PXDNL: variants seen among roughly 807,000 people sequenced by gnomAD.
PXDNL encodes probable oxidoreductase PXDNL.
PXDNL carries 145 observed loss-of-function variants against 150.8 expected under a neutral mutation model. That is an observed-to-expected ratio of 0.96 (90% CI 0.84 to 1.10). The LOEUF is 1.10. Among genes scored for constraint, PXDNL ranks in the 50% least tolerant of loss-of-function variants. The pLI is 0.00. For synonymous variants in PXDNL, 757 were observed against 725.7 expected, an observed-to-expected ratio of 1.04 and a Z score of -0.69; for missense variants, 2,087 against 1,873.9, an observed-to-expected ratio of 1.11 and a Z score of -2.10.
Position 51,805,379 on chromosome 8 carries a change from TTA to T in PXDNL, c.164+3800_164+3801del, listed in dbSNP as rs535405882. ...TTTATATATAATTTAAATTATAAAA[TTA>T]TGTTTGCTGCCTCAGATTGCAGCTA... On this transcript the variant is annotated intron_variant, in intron 1 of 22. Transcript: ENST00000356297. Among the ~76,000 whole-genome samples the T allele has an allele frequency of 3.9e-3, 574 of 148,186 alleles. 2 individuals carry two copies. The highest frequency in any genetic ancestry group is 7.0e-3 in the Non-Finnish European group (473 of 67,204).
intron 1 of PXDNL, among the ~76,000 whole-genome samples, chr8:51,805,421 A>G (rs911585050): frequency 1.4e-5 from 2 of 148,092 alleles, no homozygotes; most frequent in African/African-American, 2.4e-5. Flanking sequence ...CTATTATTCC[A>G]TAACACATCA....
chr8:51,457,930 T>C (rs1717635854), intron 8 of PXDNL, among the ~76,000 whole-genome samples: 1 of 152,184 alleles, frequency 6.6e-6, no homozygotes, highest in African/African-American at 2.4e-5. Flanking sequence ...CTGAGTGGCA[T>C]GAATTTAGAC....
chr8:51,754,528 GA>G (rs1465995754), intron 1 of PXDNL, among the ~76,000 whole-genome samples: 1 of 151,218 alleles, frequency 6.6e-6, no homozygotes, highest in African/African-American at 2.4e-5. Context: ...TTTTGAGGCA[GA>G]GTCTCGCTCT....
At chr8:51,539,984 G>A (rs1193003013) in intron 4 of PXDNL, among the ~76,000 whole-genome samples, 3 of 150,956 alleles carry the variant, frequency 2.0e-5, no homozygotes, top group African/African-American at 7.3e-5. Context: ...TCAGGCTGGA[G>A]TGCAGTGGCT....
At chr8:51,682,308 T>C (rs1227587597) in intron 1 of PXDNL, among the ~76,000 whole-genome samples, 4 of 152,216 alleles carry the variant, frequency 2.6e-5, no homozygotes, top group African/African-American at 9.6e-5. Context: ...TACTGTGGGC[T>C]ACTGTCTACC....
intron 2 of PXDNL, among the ~76,000 whole-genome samples, chr8:51,622,489 T>C (rs1473619809): frequency 6.6e-6 from 1 of 152,202 alleles, no homozygotes; most frequent in East Asian, 1.9e-4. Flanking sequence ...AATGCAACAA[T>C]GTATAAATTA....
intron 4 of PXDNL, among the ~76,000 whole-genome samples, chr8:51,527,895 C>T (rs1401127882): frequency 1.3e-5 from 2 of 151,628 alleles, no homozygotes; most frequent in Non-Finnish European, 2.9e-5. Flanking sequence ...GAGTGTGGAT[C>T]CGGGGCCCAG....
intron 2 of PXDNL, among the ~76,000 whole-genome samples, chr8:51,621,543 A>G (rs1231999653): frequency 1.3e-5 from 2 of 151,822 alleles, no homozygotes; most frequent in Non-Finnish European, 2.9e-5. Flanking sequence ...GATATGGTAG[A>G]CGGGATTCTA....
chr8:51,360,506 C>T (rs918156471), intron 19 of PXDNL, among the ~76,000 whole-genome samples: 2 of 152,150 alleles, frequency 1.3e-5, no homozygotes, highest in South Asian at 2.1e-4. Flanking sequence ...TATATGTACA[C>T]AACTACACAT....
At chr8:51,740,452 T>C (rs993947665) in intron 1 of PXDNL, among the ~76,000 whole-genome samples, 5 of 152,216 alleles carry the variant, frequency 3.3e-5, no homozygotes, top group Admixed American at 2.6e-4. Context: ...CCACCAATAG[T>C]GTAAAAGAGT....
intron 17 of PXDNL, among the ~76,000 whole-genome samples, chr8:51,399,269 AAG>A (rs1808176119): frequency 6.6e-6 from 1 of 152,192 alleles, no homozygotes; most frequent in East Asian, 1.9e-4. Context: ...GGCCCACAAA[AAG>A]ACGTGCATGT....
chr8:51,458,226 G>T (rs985264192), intron 8 of PXDNL, among the ~76,000 whole-genome samples: 3 of 152,110 alleles, frequency 2.0e-5, no homozygotes, highest in Admixed American at 6.5e-5. Flanking sequence ...TGCACCATTT[G>T]GATATACTAG....
intron 4 of PXDNL, among the ~76,000 whole-genome samples, chr8:51,520,172 G>C (rs993290365): frequency 2.6e-5 from 4 of 152,150 alleles, no homozygotes; most frequent in African/African-American, 9.7e-5. Context: ...TCACAGTGCT[G>C]TCTGCCCAGG....
At chr8:51,574,609 A>G (rs1365373918) in intron 3 of PXDNL, among the ~76,000 whole-genome samples, 1 of 152,096 alleles carries the variant, frequency 6.6e-6, no homozygotes, top group Admixed American at 6.6e-5. Flanking sequence ...AAAGAAATCT[A>G]AATCAAGATA....
chr8:51,393,932 T>A (rs1347081996), intron 17 of PXDNL, among the ~76,000 whole-genome samples: 1 of 152,228 alleles, frequency 6.6e-6, no homozygotes. Context: ...TGTCTTTTTT[T>A]AAGGCATCTA....
At chr8:51,373,613 A>T (rs1388966462) in intron 18 of PXDNL, among the ~76,000 whole-genome samples, 1 of 152,214 alleles carries the variant, frequency 6.6e-6, no homozygotes, top group East Asian at 1.9e-4. Context: ...AGGGAATTAA[A>T]TCCTTTGCTA....
intron 3 of PXDNL, among the ~76,000 whole-genome samples, chr8:51,581,990 T>C (rs1813221303): frequency 6.6e-6 from 1 of 151,978 alleles, no homozygotes; most frequent in African/African-American, 2.4e-5. Flanking sequence ...TATATTAGGA[T>C]TTTTTTAAAG....
At chr8:51,583,838 A>G (rs1813264258) in intron 3 of PXDNL, among the ~76,000 whole-genome samples, 1 of 152,168 alleles carries the variant, frequency 6.6e-6, no homozygotes, top group African/African-American at 2.4e-5. Context: ...AAATATGCTG[A>G]CAAAGTAATT....
chr8:51,730,219 G>GAT (rs35130939), intron 1 of PXDNL, among the ~76,000 whole-genome samples: 18 of 151,678 alleles, frequency 1.2e-4, no homozygotes, highest in Admixed American at 8.5e-4. Context: ...GATGGCATAT[G>GAT]GGCCCTCTCT....
Sources: allele counts gnomAD v4.1 joint callset (sites outside exome capture counted in the v4.1 genomes callset), GRCh38; gene constraint gnomAD v4.1.1; transcripts MANE v1.5; gene names NCBI Gene and HGNC (gene_info 2026-07-23, HGNC 2026-07-21).